Variants in CADM2 observed in about 807,000 individuals in gnomAD.
CADM2 encodes the protein cell adhesion molecule 2, also known as immunoglobulin superfamily member 4D.
A neutral mutation model predicts 49.8 loss-of-function variants in CADM2; 12 were observed. That is an observed-to-expected ratio of 0.24 (90% CI 0.15 to 0.39). The LOEUF is 0.39. Among genes scored for constraint, CADM2 ranks in the 10% least tolerant of loss-of-function variants. The probability of loss-of-function intolerance (pLI) is 1.00; values close to 1 mark genes in which losing one functional copy is unlikely to be tolerated. For missense variants in CADM2, 378 were observed against 492.3 expected (o/e 0.77, Z 2.20); for synonymous variants, 214 against 175.4 (o/e 1.22, Z -1.74).
intron 1 of CADM2, among the ~76,000 whole-genome samples, chr3:85,291,879 A>T (rs970838364): frequency 3.3e-5 from 5 of 150,912 alleles, no homozygotes; most frequent in Non-Finnish European, 7.4e-5. Flanking sequence ...AACTGCATCA[A>T]CTAACGAGCA....
chr3:85,685,165 C>A (rs1021274420), intron 1 of CADM2, among the ~76,000 whole-genome samples: 2 of 152,074 alleles, frequency 1.3e-5, no homozygotes, highest in Admixed American at 1.3e-4. Flanking sequence ...AGCCACACCC[C>A]AGAACTACTG....
At chr3:85,030,439 CGG>C (rs2034929489) in intron 1 of CADM2, among the ~76,000 whole-genome samples, 1 of 152,124 alleles carries the variant, frequency 6.6e-6, no homozygotes, top group South Asian at 2.1e-4. Flanking sequence ...ATTTTGTCCA[CGG>C]ATCATTTTCA....
intron 1 of CADM2, among the ~76,000 whole-genome samples, chr3:85,614,666 G>T (rs1274839650): frequency 6.6e-6 from 1 of 151,790 alleles, no homozygotes. Flanking sequence ...ATGCACTAAT[G>T]ACTTGTTCAT....
intron 3 of CADM2, among the ~76,000 whole-genome samples, chr3:85,860,569 A>T (rs1422699725): frequency 6.6e-6 from 1 of 152,204 alleles, no homozygotes; most frequent in Non-Finnish European, 1.5e-5. Context: ...ATCAAGTTCC[A>T]GTCTCTGGTG....
At chr3:86,055,659 A>T (rs926936626) in intron 8 of CADM2, among the ~76,000 whole-genome samples, 1 of 151,740 alleles carries the variant, frequency 6.6e-6, no homozygotes, top group African/African-American at 2.4e-5. Flanking sequence ...CACTAATTCC[A>T]TTAATGAAGG....
intron 3 of CADM2, among the ~76,000 whole-genome samples, chr3:85,827,158 G>T (rs1223165040): frequency 6.6e-6 from 1 of 151,724 alleles, no homozygotes; most frequent in East Asian, 1.9e-4. Context: ...ATCACACTAG[G>T]TTTCATTAAG....
intron 1 of CADM2, among the ~76,000 whole-genome samples, chr3:85,413,164 T>TAAA (rs1164449868): frequency 5.2e-5 from 4 of 76,826 alleles, no homozygotes; most frequent in East Asian, 4.3e-4. Flanking sequence ...AAAAAAAAAA[T>TAAA]AATAATAATA....
At chr3:85,847,372 T>G (rs2074927169) in intron 3 of CADM2, among the ~76,000 whole-genome samples, 1 of 152,208 alleles carries the variant, frequency 6.6e-6, no homozygotes, top group South Asian at 2.1e-4. Context: ...TAAGATTTGC[T>G]GGGATCACAT....
At chr3:85,836,731 T>C (rs2074426881) in intron 3 of CADM2, among the ~76,000 whole-genome samples, 1 of 151,600 alleles carries the variant, frequency 6.6e-6, no homozygotes, top group African/African-American at 2.4e-5. Context: ...CCTGCATGAC[T>C]AAAACTGAAA....
chr3:85,034,784 ATTTTGC>A (rs1313594394), intron 1 of CADM2, among the ~76,000 whole-genome samples: 1 of 104,488 alleles, frequency 9.6e-6, no homozygotes, highest in African/African-American at 4.2e-5. Flanking sequence ...GATAAAAGAC[ATTTTGC>A]TTTTTTTTTT....
rs76386648 is a variant in CADM2, at chr3:85,034,006, T to C, written c.61+74338T>C. 2.0e-3 allele frequency among the ~76,000 whole-genome samples: 310 copies of C among 152,280 alleles called. 11 individuals carry two copies. In the East Asian group the frequency reaches 0.053, roughly 26 times the overall value. ...AATTTTTGTGAGTACATATTAGGTG[T>C]ATATATTTATGGAGTACAATGAGAT... is the stretch of plus-strand genomic sequence containing the variant. On this transcript the variant is annotated intron_variant, in intron 1 of 9. Coordinates refer to ENST00000383699, the MANE Select transcript of CADM2 (RefSeq NM_001167675.2).
At chr3:85,926,370 A>C (rs555255103) in intron 6 of CADM2, among the ~76,000 whole-genome samples, 8 of 152,172 alleles carry the variant, frequency 5.3e-5, no homozygotes, top group African/African-American at 1.7e-4. Context: ...ACAAGCAAAA[A>C]TATCTTCAGA....
chr3:85,423,121 G>A (rs764029478), intron 1 of CADM2, among the ~76,000 whole-genome samples: 4 of 151,998 alleles, frequency 2.6e-5, no homozygotes, highest in Admixed American at 6.5e-5. Context: ...CCCGGAGTTC[G>A]GCCATCCTAA....
At chr3:85,686,506 A>C (rs947567086) in intron 1 of CADM2, among the ~76,000 whole-genome samples, 1 of 152,352 alleles carries the variant, frequency 6.6e-6, no homozygotes, top group African/African-American at 2.4e-5. Context: ...AGAAGAATTA[A>C]TATTAGAGGA....
At chr3:86,014,943 C>A (rs758403662) in intron 8 of CADM2, 23 of 1,458,938 alleles carry the variant, frequency 1.6e-5, no homozygotes, top group Non-Finnish European at 1.8e-5. Context: ...TGGACGAAAG[C>A]GTCTTAAAGC....
chr3:85,669,249 C>A (rs1261593008), intron 1 of CADM2, among the ~76,000 whole-genome samples: 1 of 152,056 alleles, frequency 6.6e-6, no homozygotes, highest in Non-Finnish European at 1.5e-5. Context: ...GATGGTTCTG[C>A]AGCCATTATT....
At chr3:85,916,532 T>C (rs1321057338) in intron 6 of CADM2, among the ~76,000 whole-genome samples, 1 of 151,992 alleles carries the variant, frequency 6.6e-6, no homozygotes, top group African/African-American at 2.4e-5. Context: ...TAGTATTCCA[T>C]GGTGTATATG....
In CADM2 at chr3:85,961,667, C is replaced by T. The variant is rs1187378726; in HGVS notation, c.970+20C>T. 20 of 1,502,398 alleles carry T rather than the reference C, an allele frequency of 1.3e-5. No individual in the cohort carries two copies. The highest frequency in any genetic ancestry group is 1.8e-5 in the Non-Finnish European group (20 of 1,107,918). 93.1% of individuals were successfully genotyped at this position (1,502,398 alleles called of 1,614,324 possible). ...TGCATGGTGAGTAAATTTTGGAAAACATTATATGTGAAAGGATGCATAACT... is the reference window on the plus strand; with the variant it reads ...TGCATGGTGAGTAAATTTTGGAAAATATTATATGTGAAAGGATGCATAACT... On this transcript the variant is annotated intron_variant, in intron 8 of 9. Coordinates refer to ENST00000383699, the MANE Select transcript of CADM2 (RefSeq NM_001167675.2).
chr3:85,801,975 C>A, intron 2 of CADM2, 72 bp from the exon 3 acceptor site: 1 of 1,255,378 alleles, frequency 8.0e-7, no homozygotes, highest in Non-Finnish European at 1.1e-6. Flanking sequence ...AAGTTAAGGC[C>A]AGTGTAGATC....
Sources: allele counts gnomAD v4.1 joint callset (sites outside exome capture counted in the v4.1 genomes callset), GRCh38; gene constraint gnomAD v4.1.1; transcripts MANE v1.5; gene names NCBI Gene and HGNC (gene_info 2026-07-23, HGNC 2026-07-21).